The following NBPF11 variants were observed in gnomAD, a reference collection of about 807,000 sequenced individuals.
NBPF11 encodes the protein NBPF member 11.
Under a neutral mutation model 93.9 loss-of-function variants are expected in NBPF11, and 72 were observed. The ratio of observed to expected loss-of-function variants is 0.77; its 90% CI spans 0.63 to 0.93. The LOEUF is 0.93. Ranked by LOEUF, NBPF11 falls within the 40% of genes least tolerant of loss-of-function variation. The pLI is 0.00. For synonymous variants in NBPF11, 224 were observed against 304.9 expected, an observed-to-expected ratio of 0.73 and a Z score of 2.76; for missense variants, 705 against 802.2, an observed-to-expected ratio of 0.88 and a Z score of 1.46.
intron 2 of NBPF11, among the ~76,000 whole-genome samples, chr1:148,140,951 T>C (rs1281285615): frequency 6.6e-6 from 1 of 152,018 alleles, no homozygotes; most frequent in African/African-American, 2.4e-5. Flanking sequence ...GTTGTAGCCA[T>C]ACAATGAAAT....
rs796172565 is a variant in NBPF11 at position 148,132,723 on chromosome 1, C to CTTTTTTTTT, written c.-36+2940_-36+2948dup. Among the ~76,000 whole-genome samples the CTTTTTTTTT allele has an allele frequency of 1.5e-4, 5 of 33,224 alleles. 2 individuals are homozygous for CTTTTTTTTT. Among genetic ancestry groups the CTTTTTTTTT allele is most frequent in the African/African-American group, 3.1e-4 (3 of 9,786 alleles). The allele number at this position is 33,224 out of a possible 152,430, so 21.8% of individuals were successfully genotyped here. A position where few individuals can be genotyped will look rare whatever the true frequency, so the allele number is the denominator to read the frequency against. ...CCTTACATAAATTTTGTTGACTTTC[C>CTTTTTTTTT]TTTTTTTTTTTTTTTTTTTTTTTTT... On this transcript the variant is annotated intron_variant, in intron 4 of 23. Transcript: ENST00000682118.
intron 12 of NBPF11, 55 bp from the exon 13 acceptor site, chr1:148,116,590 C>G (rs1666610234): frequency 1.7e-5 from 11 of 637,734 alleles, no homozygotes; most frequent in South Asian, 5.3e-5. Context: ...TCTGCAAGCA[C>G]AGTCAGCCCA....
chr1:148,118,305 A>T lies in NBPF11; in HGVS notation c.1091+315T>A, dbSNP rs1488499563. On this transcript the variant is annotated intron_variant, in intron 11 of 23. Coordinates refer to ENST00000682118, the MANE Select transcript of NBPF11 (RefSeq NM_001385469.3). The stretch of plus-strand genomic sequence containing the variant: ...TCTCACTAGGGTAAGTGGGGTGGTG[A>T]TGGCACACCATTTTGAGTATACTGA... 2.6e-3 allele frequency among the ~76,000 whole-genome samples: 399 copies of T among 152,046 alleles called. 4 individuals carry two copies. Among genetic ancestry groups the T allele is most frequent in the Admixed American group, 4.1e-3 (63 of 15,282 alleles).
At chr1:148,103,935 A>C (rs1662890583) in intron 23 of NBPF11, 23 bp from the exon 24 acceptor site, 14 of 1,610,646 alleles carry the variant, frequency 8.7e-6, no homozygotes, top group Non-Finnish European at 1.2e-5. Context: ...ACAAAACTAA[A>C]GAAGCAGCCA....
chr1:148,108,761 A>T (rs1432987410), intron 17 of NBPF11, 107 bp from the exon 18 acceptor site: 2 of 759,138 alleles, frequency 2.6e-6, no homozygotes, highest in African/African-American at 3.6e-5. Context: ...AAGAAAAAGG[A>T]CAGATCCATT....
At chr1:148,124,319 G>A (rs1318820151) in intron 6 of NBPF11, among the ~76,000 whole-genome samples, 1 of 151,084 alleles carries the variant, frequency 6.6e-6, no homozygotes, top group African/African-American at 2.4e-5. Flanking sequence ...AATAAAAGTA[G>A]GTGTCTTCCT....
intron 2 of NBPF11, among the ~76,000 whole-genome samples, chr1:148,142,938 T>C (rs1186201528): frequency 7.9e-5 from 12 of 152,270 alleles, no homozygotes; most frequent in Non-Finnish European, 1.2e-4. Flanking sequence ...CCTGGACACA[T>C]CTAGAGGGCA....
At chr1:148,146,681 G>A (rs1673161163) in intron 1 of NBPF11, 1 of 1,611,828 alleles carries the variant, frequency 6.2e-7, no homozygotes, top group Non-Finnish European at 8.5e-7. Context: ...AGCGCCCGCG[G>A]CAACCGTGTC....
At chr1:148,133,773 C>T (rs1202384033) in intron 4 of NBPF11, among the ~76,000 whole-genome samples, 3 of 151,342 alleles carry the variant, frequency 2.0e-5, no homozygotes, top group African/African-American at 7.3e-5. Context: ...AATCTCCCCC[C>T]AGTCAAGAAG....
intron 2 of NBPF11, among the ~76,000 whole-genome samples, chr1:148,140,937 CTG>C (rs1252680092): frequency 6.6e-6 from 1 of 151,978 alleles, no homozygotes; most frequent in Non-Finnish European, 1.5e-5. Flanking sequence ...AATAAACAAA[CTG>C]TGTTGTAGCC....
chr1:148,115,403 A>C (rs587709835), intron 14 of NBPF11, among the ~76,000 whole-genome samples: 149,417 of 149,484 alleles, frequency 1, 74,675 homozygotes, highest in Middle Eastern at 1. Context: ...ACCTGGGGAA[A>C]AATATTTCCA....
chr1:148,146,300 C>A (rs1165436536), intron 1 of NBPF11: 2 of 1,349,446 alleles, frequency 1.5e-6, no homozygotes, highest in Non-Finnish European at 1.9e-6. Flanking sequence ...CCCCTGCCCG[C>A]GACTCGGAGC....
At chr1:148,145,640 G>A (rs1301431723) in intron 1 of NBPF11, among the ~76,000 whole-genome samples, 4 of 151,658 alleles carry the variant, frequency 2.6e-5, no homozygotes, top group Non-Finnish European at 5.9e-5. Flanking sequence ...CAACACTTTG[G>A]GAGGCCGAGG....
intron 2 of NBPF11, among the ~76,000 whole-genome samples, chr1:148,140,421 G>C (rs1469165672): frequency 1.3e-5 from 2 of 151,072 alleles, no homozygotes; most frequent in East Asian, 3.9e-4. Flanking sequence ...AAATTAAGTT[G>C]AGCCTCATTA....
intron 23 of NBPF11, among the ~76,000 whole-genome samples, 174 bp downstream of exon 23, chr1:148,104,363 G>C (rs1162972796): frequency 6.8e-6 from 1 of 147,000 alleles, no homozygotes; most frequent in South Asian, 2.1e-4. Context: ...TAAATGATAA[G>C]GGGAGGAAGA....
chr1:148,136,863 C>T (rs1210982936), intron 3 of NBPF11, among the ~76,000 whole-genome samples: 9 of 151,938 alleles, frequency 5.9e-5, no homozygotes, highest in Non-Finnish European at 1.3e-4. Context: ...CTCATTCACA[C>T]CTGGTGTGGA....
chr1:148,127,969 C>A (rs1345771269), intron 4 of NBPF11, among the ~76,000 whole-genome samples: 4 of 151,570 alleles, frequency 2.6e-5, no homozygotes, highest in Admixed American at 2.0e-4. Context: ...TCTCTTTACT[C>A]AGGTGGGTAT....
At chr1:148,147,851 C>G (rs1261904649) in intron 1 of NBPF11, among the ~76,000 whole-genome samples, 1 of 152,050 alleles carries the variant, frequency 6.6e-6, no homozygotes, top group Non-Finnish European at 1.5e-5. Flanking sequence ...TCTCTACTGC[C>G]TGGGCCACTG....
chr1:148,118,012 A>C (rs1161939316), intron 11 of NBPF11, among the ~76,000 whole-genome samples: 1 of 151,864 alleles, frequency 6.6e-6, no homozygotes, highest in Non-Finnish European at 1.5e-5. Flanking sequence ...TGTTCCATTC[A>C]TCTTTCCTTC....
Sources: gnomAD v4.1 joint callset for allele counts (sites outside exome capture counted in the v4.1 genomes callset) on GRCh38, gnomAD v4.1.1 for gene constraint, MANE v1.5 for transcripts, NCBI Gene and HGNC (gene_info 2026-07-23, HGNC 2026-07-21) for gene names.